BLTP1: variants seen among roughly 807,000 people sequenced by gnomAD.
The protein encoded by BLTP1 is bridge-like lipid transfer protein family member 1.
the BLTP1 span, chr4:122,307,421 C>A: frequency 2.1e-6 from 2 of 959,354 alleles, no homozygotes; most frequent in Non-Finnish European, 2.5e-6. Flanking sequence ...CTGGCCTCTC[C>A]ATCTTTATGT....
At chr4:122,280,885 T>C in the BLTP1 span, among the ~76,000 whole-genome samples, 3 of 152,204 alleles carry the variant, frequency 2.0e-5, no homozygotes, top group Non-Finnish European at 2.9e-5. Context: ...AATAGAAATA[T>C]GGAATCCAGA....
chr4:122,205,656 T>C, the BLTP1 span, among the ~76,000 whole-genome samples: 2 of 149,258 alleles, frequency 1.3e-5, no homozygotes, highest in African/African-American at 4.9e-5. Flanking sequence ...TCTCTCTCTC[T>C]CTCTCTAGTG....
At chr4:122,340,757 A>C in the BLTP1 span, 1 of 984,526 alleles carries the variant, frequency 1.0e-6, no homozygotes, top group Non-Finnish European at 1.2e-6. Flanking sequence ...TTGTCAACAA[A>C]ATATTGTAGT....
At chr4:122,209,692 T>TC in the BLTP1 span, 1 of 1,205,102 alleles carries the variant, frequency 8.3e-7, no homozygotes, top group Non-Finnish European at 1.2e-6. Flanking sequence ...AAGTATTTTG[T>TC]GCTTATATGT....
the BLTP1 span, chr4:122,192,311 T>G: frequency 6.2e-7 from 1 of 1,613,720 alleles, no homozygotes; most frequent in Non-Finnish European, 8.5e-7. Flanking sequence ...TGCCTCCATG[T>G]TGGGGACTGG....
the BLTP1 span, chr4:122,207,216 T>G: frequency 6.2e-7 from 1 of 1,612,160 alleles, no homozygotes. Context: ...TGATTTGGGC[T>G]GCTAATCAAC....
the BLTP1 span, chr4:122,337,156 C>A: frequency 1.2e-3 from 935 of 749,270 alleles, 16 homozygotes; most frequent in South Asian, 0.016. Context: ...TTTGTGATGG[C>A]TTGGAGGTTG....
the BLTP1 span, chr4:122,279,789 G>A: frequency 1.2e-6 from 2 of 1,613,374 alleles, no homozygotes; most frequent in South Asian, 2.2e-5. Flanking sequence ...GTAGTGAAAT[G>A]TAGTATTGCC....
At chr4:122,354,886 C>G in the BLTP1 span, among the ~76,000 whole-genome samples, 1 of 151,786 alleles carries the variant, frequency 6.6e-6, no homozygotes, top group Non-Finnish European at 1.5e-5. Context: ...AGGCTGGTCT[C>G]GAACTCCTGA....
chr4:122,256,078 T>C, the BLTP1 span: 570 of 983,306 alleles, frequency 5.8e-4, no homozygotes, highest in Non-Finnish European at 6.7e-4. Context: ...GATAACATCA[T>C]GATTAGAGTT....
At chr4:122,188,180 A>C in the BLTP1 span, 356,661 of 1,236,794 alleles carry the variant, frequency 0.29, 54,815 homozygotes, top group South Asian at 0.47. Flanking sequence ...TTTTTGCTAC[A>C]AGTTGTACAA....
chr4:122,183,288 G>T, the BLTP1 span: 2 of 656,674 alleles, frequency 3.0e-6, no homozygotes, highest in Non-Finnish European at 3.7e-6. Context: ...GTGAGCCATG[G>T]TTGCACCACT....
the BLTP1 span, among the ~76,000 whole-genome samples, chr4:122,284,924 T>G: frequency 6.6e-6 from 1 of 152,238 alleles, no homozygotes; most frequent in African/African-American, 2.4e-5. Context: ...ACTGTATATG[T>G]GTACTCCCAT....
chr4:122,251,323 G>C, the BLTP1 span: 2 of 982,792 alleles, frequency 2.0e-6, no homozygotes, highest in Non-Finnish European at 2.4e-6. Context: ...TTGAAAATTA[G>C]GCCAATTGGA....
the BLTP1 span, among the ~76,000 whole-genome samples, chr4:122,177,415 T>G: frequency 6.6e-6 from 1 of 152,220 alleles, no homozygotes; most frequent in Non-Finnish European, 1.5e-5. Context: ...AACCTGCTCT[T>G]AATACACTGG....
At chr4:122,334,450 A>G in the BLTP1 span, 1 of 1,613,124 alleles carries the variant, frequency 6.2e-7, no homozygotes, top group Non-Finnish European at 8.5e-7. Context: ...GGTATGAAAG[A>G]TAGTGCAACA....
At chr4:122,351,811 A>G in the BLTP1 span, among the ~76,000 whole-genome samples, 2 of 152,224 alleles carry the variant, frequency 1.3e-5, no homozygotes, top group African/African-American at 4.8e-5. Context: ...CCTCGTCACA[A>G]AAAACAAACA....
the BLTP1 span, among the ~76,000 whole-genome samples, chr4:122,220,066 C>T: frequency 2.0e-5 from 3 of 152,110 alleles, no homozygotes; most frequent in African/African-American, 7.2e-5. Context: ...TATTAAATTG[C>T]CCCAAGAACC....
chr4:122,257,699 T>C, the BLTP1 span, among the ~76,000 whole-genome samples: 1 of 152,210 alleles, frequency 6.6e-6, no homozygotes, highest in East Asian at 1.9e-4. Context: ...ATTTTAGATA[T>C]TACATACTTG....
Sources: allele counts gnomAD v4.1 joint callset (sites outside exome capture counted in the v4.1 genomes callset), GRCh38; gene constraint gnomAD v4.1.1; transcripts MANE v1.5; gene names NCBI Gene and HGNC (gene_info 2026-07-23, HGNC 2026-07-21).